The following APOLD1 variants were observed in gnomAD, a reference collection of about 807,000 sequenced individuals.
APOLD1 encodes the protein apolipoprotein L domain-containing protein 1.
APOLD1 carries 22 observed loss-of-function variants against 15.3 expected under a neutral mutation model. The observed-to-expected ratio is 1.44, with a 90% CI of 1.03 to 2.05. The LOEUF (loss-of-function observed/expected upper bound fraction) is 2.05, where lower values mean the gene tolerates loss of function less well. Among genes scored for constraint, APOLD1 ranks in the 30% most tolerant of loss-of-function variants. The pLI, the probability that APOLD1 is intolerant of heterozygous loss-of-function variation, is 0.00. For synonymous variants in APOLD1, 190 were observed against 167.4 expected, an observed-to-expected ratio of 1.13 and a Z score of -1.04; for missense variants, 394 against 353.5, an observed-to-expected ratio of 1.11 and a Z score of -0.92.
rs1260060138 is a variant in APOLD1 at position 12,787,858 on chromosome 12, T to C, written c.*206T>C. On this transcript the variant is annotated 3_prime_UTR_variant, in exon 2 of 2. Coordinates refer to ENST00000356591, the MANE Select transcript of APOLD1 (RefSeq NM_030817.3). This position sits in a 1 kb window ranked among gnomAD's most constrained non-coding sequence, Gnocchi z 4.9. ...GCCTGGGCTTGAGTGCTACGGACTT[T>C]TCAGTCTTCCTAGTGGAAAAATGTG... 1.5e-6 allele frequency: 1 copy of C among 666,778 alleles called. No individual in the cohort carries two copies. The highest frequency in any genetic ancestry group is 3.5e-5 in the Admixed American group (1 of 28,536). 41.3% of individuals were successfully genotyped at this position (666,778 alleles called of 1,614,324 possible).
chr12:12,742,135 G>A (rs924434115), intron 1 of APOLD1, among the ~76,000 whole-genome samples: 1 of 152,134 alleles, frequency 6.6e-6, no homozygotes, highest in African/African-American at 2.4e-5. Context: ...GTCCGGAATG[G>A]CTCTAAGAAC....
intron 1 of APOLD1, among the ~76,000 whole-genome samples, chr12:12,737,400 C>G (rs1000237481): frequency 6.6e-6 from 1 of 152,192 alleles, no homozygotes; most frequent in African/African-American, 2.4e-5. Context: ...GCAATCAACT[C>G]AAGTTCTTTT....
chr12:12,781,666 T>A (rs1253476800), upstream of APOLD1, among the ~76,000 whole-genome samples: 1 of 151,100 alleles, frequency 6.6e-6, no homozygotes, highest in Non-Finnish European at 1.5e-5. Flanking sequence ...TAGCTGGGAC[T>A]ACAGGCGCCT....
intron 1 of APOLD1, among the ~76,000 whole-genome samples, chr12:12,752,041 C>A (rs771431024): frequency 6.6e-6 from 1 of 152,092 alleles, no homozygotes; most frequent in Non-Finnish European, 1.5e-5. Context: ...TTGACTTTAC[C>A]CCTAATGAAA....
intron 1 of APOLD1, among the ~76,000 whole-genome samples, chr12:12,763,864 T>A (rs1287944730): frequency 6.6e-6 from 1 of 152,184 alleles, no homozygotes; most frequent in Non-Finnish European, 1.5e-5. Context: ...TTTTTAAGTT[T>A]TTTTTCCCAA....
intron 1 of APOLD1, among the ~76,000 whole-genome samples, chr12:12,743,964 T>A (rs12582158): frequency 0.31 from 46,653 of 152,068 alleles, 7,923 homozygotes; most frequent in East Asian, 0.56. Flanking sequence ...TGCTGGCACC[T>A]TGCTTTTAGC....
rs143022265 is a variant in APOLD1, at chr12:12,736,895, G to A, written c.96+10799G>A. 5.8e-4 allele frequency among the ~76,000 whole-genome samples: 89 copies of A among 152,320 alleles called. 1 individual carries two copies. The East Asian group carries it at 9.4e-3, about 16-fold the overall frequency. Reference sequence around the variant, plus strand: ...TACTGAACCAGAGATCCGAAGAAGTGGACCTCGCCAGCCTCCTGCTCCACC... The same window carrying A: ...TACTGAACCAGAGATCCGAAGAAGTAGACCTCGCCAGCCTCCTGCTCCACC... On this transcript the variant is annotated intron_variant, in intron 1 of 1. Coordinates refer to the APOLD1 transcript ENST00000326765.
intron 1 of APOLD1, among the ~76,000 whole-genome samples, chr12:12,732,751 GAAAA>G (rs1946650422): frequency 6.9e-6 from 1 of 145,900 alleles, no homozygotes; most frequent in Admixed American, 6.8e-5. Context: ...AAAAAGAAAA[GAAAA>G]AAGAAAAAGA....
At chr12:12,757,642 A>G (rs1946866131) in intron 1 of APOLD1, among the ~76,000 whole-genome samples, 1 of 151,892 alleles carries the variant, frequency 6.6e-6, no homozygotes, top group South Asian at 2.1e-4. Flanking sequence ...CCATCTCCCA[A>G]AAGTAACCGC....
intron 1 of APOLD1, 143 bp downstream of exon 1, chr12:12,785,837 G>C: frequency 1.2e-6 from 1 of 802,598 alleles, no homozygotes; most frequent in Non-Finnish European, 2.1e-6. Context: ...GAGGATTCTA[G>C]ACTGGGCTCT....
chr12:12,774,546 C>CAAAAAAAAAAAAAAAAAAAAAAAAAAAA (rs57343706), intron 1 of APOLD1, among the ~76,000 whole-genome samples: 7 of 42,292 alleles, frequency 1.7e-4, no homozygotes, highest in Admixed American at 4.3e-4. Flanking sequence ...ACTCTAACTC[C>CAAAAAAAAAAAAAAAAAAAAAAAAAAAA]AAAAAAAAAA....
intron 1 of APOLD1, among the ~76,000 whole-genome samples, chr12:12,749,762 G>A (rs1365494379): frequency 6.6e-6 from 1 of 152,116 alleles, no homozygotes; most frequent in Non-Finnish European, 1.5e-5. Flanking sequence ...TTTTTGAGCC[G>A]CTGCTCAGGC....
chr12:12,782,525 G>A (rs1361014595), upstream of APOLD1, among the ~76,000 whole-genome samples: 2 of 152,194 alleles, frequency 1.3e-5, no homozygotes, highest in African/African-American at 2.4e-5. Context: ...TGCATCAAGA[G>A]TTTAACACAG....
At chr12:12,770,631 A>G (rs979160192) in intron 1 of APOLD1, among the ~76,000 whole-genome samples, 5 of 151,614 alleles carry the variant, frequency 3.3e-5, no homozygotes, top group Admixed American at 6.6e-5. Context: ...TACAAAAGGT[A>G]TAAGTGTGTA....
intron 1 of APOLD1, among the ~76,000 whole-genome samples, chr12:12,752,169 T>G (rs1946817195): frequency 6.6e-6 from 1 of 152,232 alleles, no homozygotes; most frequent in Non-Finnish European, 1.5e-5. Flanking sequence ...AGGAACTTGA[T>G]TTTATCTCCT....
Position 12,788,334 on chromosome 12 carries a change from C to T in APOLD1, c.*682C>T, listed in dbSNP as rs1468640745. 6.6e-6 allele frequency: 1 copy of T among 152,300 alleles called. No individual in the cohort carries two copies. The highest frequency in any genetic ancestry group is 1.5e-5 in the Non-Finnish European group (1 of 68,114). 9.4% of individuals were successfully genotyped at this position (152,300 alleles called of 1,614,324 possible). A position where few individuals can be genotyped will look rare whatever the true frequency, so the allele number is the denominator to read the frequency against. On this transcript the variant is annotated 3_prime_UTR_variant, in exon 2 of 2. Coordinates refer to ENST00000356591, the MANE Select transcript of APOLD1 (RefSeq NM_030817.3). The stretch of plus-strand genomic sequence containing the variant: ...CCGTGAAGCCGTCATCTAAGTCCTG[C>T]TCCCTCACATGAAGCTGAGGGCCAG...
At chr12:12,760,496 G>A (rs1018807589) in intron 1 of APOLD1, among the ~76,000 whole-genome samples, 4 of 151,632 alleles carry the variant, frequency 2.6e-5, no homozygotes, top group South Asian at 2.1e-4. Flanking sequence ...AAAATTAGCC[G>A]GGCGTGGTTC....
At chr12:12,773,504 G>A (rs1079738) in intron 1 of APOLD1, among the ~76,000 whole-genome samples, 53,352 of 152,092 alleles carry the variant, frequency 0.35, 10,140 homozygotes, top group African/African-American at 0.52. Flanking sequence ...TGAGGTTACA[G>A]TGAGCTATGA....
intron 1 of APOLD1, among the ~76,000 whole-genome samples, chr12:12,729,671 G>T (rs1039083912): frequency 6.6e-6 from 1 of 151,968 alleles, no homozygotes; most frequent in African/African-American, 2.4e-5. Context: ...GAGGCAAGGG[G>T]ATTGCTCTAT....
Sources: allele counts gnomAD v4.1 joint callset (sites outside exome capture counted in the v4.1 genomes callset), GRCh38; gene constraint gnomAD v4.1.1; non-coding constraint Gnocchi (gnomAD v3.1); transcripts MANE v1.5; gene names NCBI Gene and HGNC (gene_info 2026-07-23, HGNC 2026-07-21).